SGSH: variants seen among roughly 807,000 people sequenced by gnomAD.
SGSH encodes N-sulfoglucosamine sulfohydrolase, also known as heparan sulfate sulfatase.
SGSH carries 48 observed loss-of-function variants against 51.0 expected under a neutral mutation model. The observed-to-expected ratio is 0.94, with a 90% CI of 0.75 to 1.20. SGSH has a LOEUF of 1.20. Ranked by LOEUF, SGSH falls within the 50% of genes most tolerant of loss-of-function variation. The probability of loss-of-function intolerance (pLI) is 0.00; values close to 1 mark genes in which losing one functional copy is unlikely to be tolerated. For synonymous variants in SGSH, 321 were observed against 313.4 expected (o/e 1.02, Z -0.26); for missense variants, 662 against 717.8 (o/e 0.92, Z 0.89).
At position 80,210,450 on chromosome 17, in the gene SGSH, G is replaced by A. The variant is rs1468920947; in HGVS notation, c.*2C>T. 1.9e-6 allele frequency: 3 copies of A among 1,591,762 alleles called. No individual in the cohort carries two copies. In the African/African-American group the frequency reaches 4.0e-5, roughly 21 times the overall value. ...GATGTGTGCACAGGCCTCCTGGGAT[G>A]GTCACAGCTCATTGTGGAGGGGCTG... On this transcript the variant is annotated 3_prime_UTR_variant, in exon 8 of 8. Coordinates refer to ENST00000326317, the MANE Select transcript of SGSH (RefSeq NM_000199.5).
chr17:80,217,099 C>T lies in SGSH; in HGVS notation c.182G>A (p.Arg61His), dbSNP rs573342437. 29 of 1,604,604 alleles carry T rather than the reference C, an allele frequency of 1.8e-5. 1 individual carries two copies. The Admixed American group carries it at 2.1e-4, about 11-fold the overall frequency. The stretch of plus-strand genomic sequence containing the variant: ...GCTGCTGACCGAGGTGAAGGCATTG[C>T]GAAAGAGGAGGCTGCGGCGGGCCAA... ...DALARRSLLFRNAFTSVSSCS... is the reference protein window; with the variant it reads ...DALARRSLLFHNAFTSVSSCS... The change falls in exon 2 of 8, where the codon CGC becomes CAC. Residue 61 changes from arginine to histidine, a missense_variant. Coordinates refer to ENST00000326317, the MANE Select transcript of SGSH (RefSeq NM_000199.5).
At chr17:80,203,881 G>T (rs143600438), downstream of SGSH, 4 of 1,594,328 alleles carry the variant, frequency 2.5e-6, no homozygotes, top group Non-Finnish European at 3.4e-6. This position sits in a 1 kb window ranked among gnomAD's most constrained non-coding sequence, Gnocchi z 4.6. Context: ...ACCGTGACCC[G>T]CAAGGTGAGG....
chr17:80,200,874 T>C, the SGSH span: 1 of 152,250 alleles, frequency 6.6e-6, no homozygotes, highest in Admixed American at 6.6e-5. Flanking sequence ...GATCCCTCAC[T>C]TGCACAGTTC....
downstream of SGSH, chr17:80,205,282 C>A: frequency 7.6e-7 from 1 of 1,311,054 alleles, no homozygotes; most frequent in East Asian, 2.4e-5. Context: ...CTCCTTCCTC[C>A]CCTTCCTCCC....
chr17:80,217,215 A>C lies in SGSH; in HGVS notation c.89-23T>G, dbSNP rs369907250. On this transcript the variant is annotated intron_variant, in intron 1 of 7. Transcript: ENST00000326317. ...CCGCTGCGTGAGGTGGGAGACAGAGAGTGCACGGTCGGCTGCGGTCACGAG... is the reference window on the plus strand; with the variant it reads ...CCGCTGCGTGAGGTGGGAGACAGAGCGTGCACGGTCGGCTGCGGTCACGAG... 6.9e-6 allele frequency: 11 copies of C among 1,591,538 alleles called. No homozygotes were observed. The African/African-American group carries it at 1.5e-4, about 21-fold the overall frequency.
chr17:80,208,173 A>G, downstream of SGSH: 1 of 1,548,552 alleles, frequency 6.5e-7, no homozygotes, highest in Non-Finnish European at 8.7e-7. Flanking sequence ...TCAGAGGAGC[A>G]GCTCCTGGAG....
At chr17:80,204,561 T>C (rs9914039), downstream of SGSH, 19,606 of 450,862 alleles carry the variant, frequency 0.043, 1,119 homozygotes, top group African/African-American at 0.19. Flanking sequence ...GAGGCAGAGG[T>C]GGCAGTGAGC....
chr17:80,204,639 AT>A (rs1304030388), downstream of SGSH: 13 of 333,474 alleles, frequency 3.9e-5, no homozygotes, highest in African/African-American at 1.3e-4. Flanking sequence ...AAAAAAAAAA[AT>A]TTCAGGAGAG....
rs1348528018 is a variant in SGSH, at chr17:80,210,227, C to T, written c.*225G>A. The T allele has an allele frequency of 2.8e-6, 4 of 1,422,088 alleles. No homozygotes were observed. The highest frequency in any genetic ancestry group is 1.4e-5 in the African/African-American group (1 of 69,504). The allele number at this position is 1,422,088 out of a possible 1,614,324, so 88.1% of individuals were successfully genotyped here. ...ACAACTGTGTCCCCTGCCATGACGG[C>T]AGTGCCCCTGGTGGTGGAGGGGCTG... On this transcript the variant is annotated 3_prime_UTR_variant, in exon 8 of 8. Transcript: ENST00000326317.
chr17:80,204,685 C>T, downstream of SGSH: 1 of 381,412 alleles, frequency 2.6e-6, no homozygotes, highest in Non-Finnish European at 4.7e-6. Flanking sequence ...GGACCCTGTG[C>T]CCTGGAGGAT....
At chr17:80,214,528 T>TG (rs1478170007) in intron 4 of SGSH, 87 bp downstream of exon 4, 7 of 1,445,266 alleles carry the variant, frequency 4.8e-6, no homozygotes, top group Non-Finnish European at 6.7e-6. Context: ...TCGAGCCACG[T>TG]GGGGGCCCAT....
chr17:80,211,204 A>C, intron 7 of SGSH, 193 bp from the exon 8 acceptor site: 1 of 1,442,898 alleles, frequency 6.9e-7, no homozygotes, highest in South Asian at 1.4e-5. Context: ...TGGTATAACA[A>C]GAGGCCCTGA....
chr17:80,214,907 T>G, intron 3 of SGSH, 126 bp downstream of exon 3: 1 of 1,306,840 alleles, frequency 7.7e-7, no homozygotes, highest in Non-Finnish European at 1.1e-6. Context: ...CCAGATCCTT[T>G]GGGACAAGAG....
intron 5 of SGSH, 122 bp from the exon 6 acceptor site, chr17:80,214,007 G>C: frequency 7.7e-7 from 1 of 1,304,992 alleles, no homozygotes; most frequent in Non-Finnish European, 1.1e-6. Flanking sequence ...GGACCACCCC[G>C]TCTCTCTACG....
downstream of SGSH, chr17:80,209,040 C>G (rs2144657535): frequency 6.5e-6 from 1 of 152,850 alleles, no homozygotes; most frequent in East Asian, 1.9e-4. Context: ...AAGCCTGGCA[C>G]CAGTACCCCC....
chr17:80,201,758 C>T, downstream of SGSH: 3 of 1,614,074 alleles, frequency 1.9e-6, no homozygotes, highest in Non-Finnish European at 2.5e-6. This position sits in a 1 kb window ranked among gnomAD's most constrained non-coding sequence, Gnocchi z 5.0. Flanking sequence ...ATTACGAAGC[C>T]TCAGAGCCCT....
downstream of SGSH, chr17:80,207,185 G>A: frequency 1.3e-6 from 1 of 761,136 alleles, no homozygotes; most frequent in Non-Finnish European, 2.1e-6. Flanking sequence ...GCGGTTTGCA[G>A]GAAGCTGAGG....
At chr17:80,211,387 A>G in intron 7 of SGSH, 1 of 334,412 alleles carries the variant, frequency 3.0e-6, no homozygotes, top group Non-Finnish European at 5.6e-6. Flanking sequence ...GCGAGCTCGG[A>G]GGGAAAGGGA....
At chr17:80,205,771 G>C (rs1363023785), downstream of SGSH, 2 of 1,097,456 alleles carry the variant, frequency 1.8e-6, no homozygotes, top group African/African-American at 1.6e-5. Context: ...CCTTGTCGCC[G>C]ACCTCTGGGT....
Sources: gnomAD v4.1 joint callset for allele counts on GRCh38, gnomAD v4.1.1 for gene constraint, Gnocchi (gnomAD v3.1) non-coding constraint, MANE v1.5 for transcripts, NCBI Gene and HGNC (gene_info 2026-07-23, HGNC 2026-07-21) for gene names.